AQP2: variants seen among roughly 807,000 people sequenced by gnomAD.
The protein encoded by AQP2 is aquaporin-2.
AQP2 carries 20 observed loss-of-function variants against 21.6 expected under a neutral mutation model. The ratio of observed to expected loss-of-function variants is 0.92; its 90% CI spans 0.65 to 1.34. The LOEUF (loss-of-function observed/expected upper bound fraction) is 1.34, where lower values mean the gene tolerates loss of function less well. Ranked by LOEUF, AQP2 falls within the 40% of genes most tolerant of loss-of-function variation. The probability of loss-of-function intolerance (pLI) is 0.00; values close to 1 mark genes in which losing one functional copy is unlikely to be tolerated. For synonymous variants in AQP2, 168 were observed against 166.9 expected (o/e 1.01, Z -0.05); for missense variants, 325 against 363.4 (o/e 0.89, Z 0.86).
rs746416707 is a variant in AQP2 at position 49,951,018 on chromosome 12, G to A, written c.188G>A (p.Ser63Asn). ...CTGGTACAGGCTCTGGGCCACATAAGCGGGGCCCACATCAACCCTGCCGTG... is the reference window on the plus strand; with the variant it reads ...CTGGTACAGGCTCTGGGCCACATAAACGGGGCCCACATCAACCCTGCCGTG... ...GTLVQALGHI[S>N]GAHINPAVTV... Residue 63 changes from serine (S) to asparagine (N), a missense_variant, in exon 1 of 4, where the codon AGC (serine) becomes AAC (asparagine). Coordinates refer to ENST00000199280, the MANE Select transcript of AQP2 (RefSeq NM_000486.6). 1 of 1,613,902 alleles carries A rather than the reference G, an allele frequency of 6.2e-7. No individual in the cohort carries two copies. Among genetic ancestry groups the A allele is most frequent in the African/African-American group, 1.3e-5 (1 of 74,954 alleles).
Position 49,957,506 on chromosome 12 carries a change from C to T in AQP2, c.*1898C>T, listed in dbSNP as rs1252209274. ...GCACCAGGCACTAAGTCTCTAGCCT[C>T]TTTCTCCCTTCTGCTCCCATCCAAG... is the stretch of plus-strand genomic sequence containing the variant. On this transcript the variant is annotated 3_prime_UTR_variant, in exon 4 of 4. Coordinates refer to ENST00000199280, the MANE Select transcript of AQP2 (RefSeq NM_000486.6). The T allele has an allele frequency of 6.6e-6, 1 of 152,396 alleles. No individual in the cohort carries two copies. Among genetic ancestry groups the T allele is most frequent in the Non-Finnish European group, 1.5e-5 (1 of 68,162 alleles). 9.4% of individuals were successfully genotyped at this position (152,396 alleles called of 1,614,324 possible). A position where few individuals can be genotyped will look rare whatever the true frequency, so the allele number is the denominator to read the frequency against.
In AQP2 at chr12:49,956,218, G is replaced by C. The variant is rs1044982046; in HGVS notation, c.*610G>C. On this transcript the variant is annotated 3_prime_UTR_variant, in exon 4 of 4. Coordinates refer to ENST00000199280, the MANE Select transcript of AQP2 (RefSeq NM_000486.6). ...GGGTGCCAGTCCTCCTCAGGAGAAG[G>C]GGAAGGGAAGGAGGCCACTTTGAGA... The C allele has an allele frequency of 6.5e-6, 1 of 153,336 alleles. No individual in the cohort carries two copies. Among genetic ancestry groups the C allele is most frequent in the Admixed American group, 6.5e-5 (1 of 15,500 alleles). 9.5% of individuals were successfully genotyped at this position (153,336 alleles called of 1,614,324 possible).
chr12:49,951,390 G>GT, intron 1 of AQP2, 200 bp downstream of exon 1: 1 of 757,426 alleles, frequency 1.3e-6, no homozygotes, highest in Non-Finnish European at 2.0e-6. Flanking sequence ...AAAGCAGGAT[G>GT]CAGACAGACT....
Position 49,954,640 on chromosome 12 carries a change from C to A in AQP2, c.536C>A (p.Thr179Asn). Reference sequence around the variant, plus strand: ...CTCCTCCCACTGCAGATCCATTACACCGGCTGCTCTATGAATCCTGCCCGC... The same window carrying A: ...CTCCTCCCACTGCAGATCCATTACAACGGCTGCTCTATGAATCCTGCCCGC... ...ALGHLLGIHY[T>N]GCSMNPARSL... Residue 179 changes from threonine (T) to asparagine (N), a missense_variant, in exon 3 of 4, where the codon ACC becomes AAC. Coordinates refer to ENST00000199280, the MANE Select transcript of AQP2 (RefSeq NM_000486.6). 2 of 1,614,200 alleles carry A rather than the reference C, an allele frequency of 1.2e-6. No homozygotes were observed. The highest frequency in any genetic ancestry group is 2.2e-5 in the South Asian group (2 of 91,078).
chr12:49,951,437 G>C (rs1207492201), intron 1 of AQP2: 1 of 572,586 alleles, frequency 1.7e-6, no homozygotes, highest in East Asian at 2.9e-5. Context: ...TGCAGGAAGA[G>C]CCTCATCCAG....
chr12:49,955,256 T>TCATTA, intron 3 of AQP2, 143 bp from the exon 4 acceptor site: 2 of 921,632 alleles, frequency 2.2e-6, no homozygotes, highest in Non-Finnish European at 3.2e-6. Context: ...GCTGGCGTTG[T>TCATTA]CGTTGTAATT....
intron 3 of AQP2, 76 bp from the exon 4 acceptor site, chr12:49,955,323 T>G: frequency 6.9e-7 from 1 of 1,440,412 alleles, no homozygotes; most frequent in Non-Finnish European, 9.5e-7. Context: ...GGCCGCAGAG[T>G]GTGCCGCCGG....
Position 49,955,625 on chromosome 12 carries a change from C to CTACGGCCCCGACGG in AQP2, c.*18_*31dup, listed in dbSNP as rs1386235854. 3 of 1,541,972 alleles carry CTACGGCCCCGACGG rather than the reference C, an allele frequency of 1.9e-6. No homozygotes were observed. The highest frequency in any genetic ancestry group is 1.2e-5 in the South Asian group (1 of 84,814). ...AAGGCCTGAGGGCCGCCAGCGGCCTCTACGGCCCCGACGGACGCTTGTGAG... is the reference window on the plus strand; with the variant it reads ...AAGGCCTGAGGGCCGCCAGCGGCCTCTACGGCCCCGACGGTACGGCCCCGACGGACGCTTGTGAG... On this transcript the variant is annotated 3_prime_UTR_variant, in exon 4 of 4. Transcript: ENST00000199280.
chr12:49,951,289 A>G, intron 1 of AQP2, 99 bp downstream of exon 1: 1 of 1,443,996 alleles, frequency 6.9e-7, no homozygotes, highest in African/African-American at 1.4e-5. Flanking sequence ...ATGTAGGGAG[A>G]GAGATGGAGA....
In AQP2 at chr12:49,958,021, G is replaced by C. The variant is rs1034179837; in HGVS notation, c.*2413G>C. Reference sequence around the variant, plus strand: ...GGTCAAAAAAGGATTCCAAGTGATGGAACTCCAGGGGTGGAGGGAAATTGG... The same window carrying C: ...GGTCAAAAAAGGATTCCAAGTGATGCAACTCCAGGGGTGGAGGGAAATTGG... On this transcript the variant is annotated 3_prime_UTR_variant, in exon 4 of 4. Coordinates refer to ENST00000199280, the MANE Select transcript of AQP2 (RefSeq NM_000486.6). 1 of 152,174 alleles carries C rather than the reference G, an allele frequency of 6.6e-6. No homozygotes were observed. Among genetic ancestry groups the C allele is most frequent in the Non-Finnish European group, 1.5e-5 (1 of 68,046 alleles). The allele number at this position is 152,174 out of a possible 1,614,324, so 9.4% of individuals were successfully genotyped here.
intron 1 of AQP2, chr12:49,952,110 A>G (rs951981009): frequency 6.6e-6 from 1 of 152,312 alleles, no homozygotes; most frequent in Non-Finnish European, 1.5e-5. Context: ...AGGTATCCCA[A>G]TTAGGGAACT....
rs771261931 is a variant in AQP2 at position 49,950,923 on chromosome 12, C to T, written c.93C>T (p.Ala31=). ...LLFVFFGLGS[A]LNWPQALPSV... ...TCGTCTTCTTTGGCCTCGGCTCTGC[C>T]CTCAACTGGCCACAGGCCCTGCCCT... Residue 31 remains alanine (A), a synonymous_variant, in exon 1 of 4, where the codon GCC becomes GCT. Coordinates refer to ENST00000199280, the MANE Select transcript of AQP2 (RefSeq NM_000486.6). 1 of 1,614,224 alleles carries T rather than the reference C, an allele frequency of 6.2e-7. No individual in the cohort carries two copies. Among genetic ancestry groups the T allele is most frequent in the Non-Finnish European group, 8.5e-7 (1 of 1,180,024 alleles).
Position 49,955,890 on chromosome 12 carries a change from G to T in AQP2, c.*282G>T. On this transcript the variant is annotated 3_prime_UTR_variant, in exon 4 of 4. Transcript: ENST00000199280. ...TGGGAACTTAGGGGACTGAGCTGGG[G>T]AGGGAGGCAGGTGGGTGGTAAGAGG... is the stretch of plus-strand genomic sequence containing the variant. 1.7e-6 allele frequency: 1 copy of T among 605,346 alleles called. No individual in the cohort carries two copies. Among genetic ancestry groups the T allele is most frequent in the Non-Finnish European group, 3.0e-6 (1 of 336,136 alleles). 37.5% of individuals were successfully genotyped at this position (605,346 alleles called of 1,614,324 possible).
chr12:49,953,636 A>G (rs1947345233), intron 1 of AQP2, among the ~76,000 whole-genome samples: 1 of 152,040 alleles, frequency 6.6e-6, no homozygotes, highest in African/African-American at 2.4e-5. Flanking sequence ...TCATAGCGGA[A>G]AGGGGCACAC....
chr12:49,951,083 C>T lies in AQP2; in HGVS notation c.253C>T (p.Arg85Ter), dbSNP rs781478659. 6.2e-6 allele frequency: 10 copies of T among 1,610,990 alleles called. No individual in the cohort carries two copies. The highest frequency in any genetic ancestry group is 7.6e-6 in the Non-Finnish European group (9 of 1,177,672). ...CLVGCHVSVL[R>*]AAFYVAAQLL... ...GGTGGGCTGCCACGTCTCCGTTCTC[C>T]GAGCCGCCTTCTACGTGGCTGCCCA... The change falls in exon 1 of 4, where the codon CGA becomes TGA. Residue 85 changes from arginine to a stop codon, truncating the protein, a stop_gained. Transcript: ENST00000199280. LOFTEE classifies it high-confidence loss of function.
In AQP2 at chr12:49,950,821, G is replaced by C. The variant is rs370614216; in HGVS notation, c.-10G>C. The C allele has an allele frequency of 6.2e-6, 10 of 1,609,950 alleles. No homozygotes were observed. In the South Asian group the frequency reaches 1.1e-4, roughly 18 times the overall value. ...GAGACAGCTGGGCCAGCCCCGCAGGGCTCTGCAGCATGTGGGAGCTCCGCT... is the reference window on the plus strand; with the variant it reads ...GAGACAGCTGGGCCAGCCCCGCAGGCCTCTGCAGCATGTGGGAGCTCCGCT... On this transcript the variant is annotated 5_prime_UTR_variant, in exon 1 of 4. Coordinates refer to ENST00000199280, the MANE Select transcript of AQP2 (RefSeq NM_000486.6).
rs1430988017 is a variant in AQP2 at position 49,954,161 on chromosome 12, A to G, written c.367A>G (p.Asn123Asp). ...GCCTCTTCTCTGTCCCCAGCTCAGC[A>G]ACAGCACGACGGCTGGCCAGGCGGT... ...RGDLAVNALS[N>D]STTAGQAVTV... Residue 123 changes from asparagine (N) to aspartate (D), a missense_variant, in exon 2 of 4, where the codon AAC becomes GAC. Coordinates refer to ENST00000199280, the MANE Select transcript of AQP2 (RefSeq NM_000486.6). 1 of 1,598,998 alleles carries G rather than the reference A, an allele frequency of 6.3e-7. No individual in the cohort carries two copies. Among genetic ancestry groups the G allele is most frequent in the South Asian group, 1.1e-5 (1 of 91,020 alleles).
rs1947376062 is a variant in AQP2 at position 49,957,122 on chromosome 12, G to GA, written c.*1516dup. The GA allele has an allele frequency of 6.6e-6, 1 of 152,472 alleles. No individual in the cohort carries two copies. Among genetic ancestry groups the GA allele is most frequent in the South Asian group, 2.1e-4 (1 of 4,832 alleles). The allele number at this position is 152,472 out of a possible 1,614,324, so 9.4% of individuals were successfully genotyped here. A position where few individuals can be genotyped will look rare whatever the true frequency, so the allele number is the denominator to read the frequency against. On this transcript the variant is annotated 3_prime_UTR_variant, in exon 4 of 4. Coordinates refer to ENST00000199280, the MANE Select transcript of AQP2 (RefSeq NM_000486.6). ...ATTTCATTATTTCTGCTTCCTGGGG[G>GA]AAGGATGCAGAAGGAGTCTGATGCT...
At position 49,950,759 on chromosome 12, in the gene AQP2, A is replaced by C; in HGVS notation, c.-72A>C. ...CAGAGGCCTTGAGAAAGAGAGCGAT[A>C]GAGTGCGAGAGCGAGTGCCCGGAGC... On this transcript the variant is annotated 5_prime_UTR_variant, in exon 1 of 4. Transcript: ENST00000199280. 1 of 1,557,480 alleles carries C rather than the reference A, an allele frequency of 6.4e-7. No homozygotes were observed. Among genetic ancestry groups the C allele is most frequent in the Non-Finnish European group, 8.7e-7 (1 of 1,150,248 alleles).
Sources: gnomAD v4.1 joint callset for allele counts (sites outside exome capture counted in the v4.1 genomes callset) on GRCh38, gnomAD v4.1.1 for gene constraint, MANE v1.5 for transcripts, NCBI Gene and HGNC (gene_info 2026-07-23, HGNC 2026-07-21) for gene names.